The following LRFN5 variants were observed in gnomAD, a reference collection of about 807,000 sequenced individuals.
The protein encoded by LRFN5 is leucine-rich repeat and fibronectin type-III domain-containing protein 5.
In LRFN5, 24 loss-of-function variants were observed where a neutral mutation model predicts 45.6. The observed-to-expected ratio is 0.53, with a 90% CI of 0.38 to 0.74. LRFN5 has a LOEUF of 0.74. Ranked by LOEUF, LRFN5 falls within the 30% of genes least tolerant of loss-of-function variation. The probability of loss-of-function intolerance (pLI) is 0.00; values close to 1 mark genes in which losing one functional copy is unlikely to be tolerated. For synonymous variants in LRFN5, 340 were observed against 313.8 expected, an observed-to-expected ratio of 1.08 and a Z score of -0.88; for missense variants, 776 against 861.5, an observed-to-expected ratio of 0.90 and a Z score of 1.24.
intron 1 of LRFN5, chr14:41,700,086 T>C (rs1882775736): frequency 6.6e-6 from 1 of 152,062 alleles, no homozygotes. Flanking sequence ...CATGAATTTG[T>C]GGCGGGCAAG....
intron 2 of LRFN5, among the ~76,000 whole-genome samples, chr14:41,868,215 AC>A (rs1566493501): frequency 1.3e-5 from 2 of 152,042 alleles, no homozygotes; most frequent in Non-Finnish European, 2.9e-5. Flanking sequence ...ACTTTTCTTT[AC>A]TTTTTTTGTA....
chr14:41,901,764 A>T (rs1165022068), intron 5 of LRFN5, among the ~76,000 whole-genome samples: 1 of 152,080 alleles, frequency 6.6e-6, no homozygotes, highest in Non-Finnish European at 1.5e-5. Flanking sequence ...AATTTTATAC[A>T]CATGATGCAA....
intron 1 of LRFN5, among the ~76,000 whole-genome samples, chr14:41,760,417 G>A (rs895963440): frequency 7.9e-5 from 12 of 152,026 alleles, no homozygotes; most frequent in African/African-American, 2.2e-4. Context: ...AAAGAATAAT[G>A]TACTCATGTA....
intron 1 of LRFN5, among the ~76,000 whole-genome samples, chr14:41,704,426 C>CTGTGTGTG (rs1566628792): frequency 3.5e-5 from 2 of 57,146 alleles, no homozygotes; most frequent in African/African-American, 3.7e-4. Context: ...CTCTCTCTCT[C>CTGTGTGTG]TCTCTCTCTC....
chr14:41,806,553 A>G (rs1207087395), intron 2 of LRFN5, among the ~76,000 whole-genome samples: 3 of 152,196 alleles, frequency 2.0e-5, no homozygotes, highest in Non-Finnish European at 2.9e-5. Context: ...AATACTAAGT[A>G]TTCTGAGTAC....
intron 2 of LRFN5, among the ~76,000 whole-genome samples, chr14:41,792,208 G>A (rs1364034955): frequency 1.3e-5 from 2 of 151,964 alleles, no homozygotes; most frequent in East Asian, 3.9e-4. Flanking sequence ...CAGGGAGTAG[G>A]TACAAAGATC....
intron 1 of LRFN5, among the ~76,000 whole-genome samples, chr14:41,720,221 T>A (rs960539406): frequency 1.3e-5 from 2 of 152,092 alleles, no homozygotes; most frequent in African/African-American, 4.8e-5. Flanking sequence ...TGTAATTTAC[T>A]TAGGATAATG....
At chr14:41,734,940 C>G (rs981404151) in intron 1 of LRFN5, among the ~76,000 whole-genome samples, 1 of 151,884 alleles carries the variant, frequency 6.6e-6, no homozygotes, top group Admixed American at 6.6e-5. Context: ...CCCTGACAAC[C>G]AAAAAAGTGT....
At chr14:41,809,544 A>G (rs1352116011) in intron 2 of LRFN5, among the ~76,000 whole-genome samples, 1 of 151,966 alleles carries the variant, frequency 6.6e-6, no homozygotes, top group Non-Finnish European at 1.5e-5. Context: ...TAATTAAAAT[A>G]TATAAGTCAA....
chr14:41,648,783 G>A (rs1879944738), intron 1 of LRFN5, among the ~76,000 whole-genome samples: 1 of 151,418 alleles, frequency 6.6e-6, no homozygotes. Context: ...TTTTTTTTTG[G>A]AACATAATGA....
chr14:41,691,515 G>A (rs968537804), intron 1 of LRFN5, among the ~76,000 whole-genome samples: 1 of 151,910 alleles, frequency 6.6e-6, no homozygotes, highest in Admixed American at 6.6e-5. Flanking sequence ...CTTCCCATAT[G>A]TATTTGAAAA....
chr14:41,692,168 A>G (rs897378969), intron 1 of LRFN5, among the ~76,000 whole-genome samples: 5 of 152,140 alleles, frequency 3.3e-5, no homozygotes, highest in East Asian at 1.9e-4. Flanking sequence ...TTTTCAAAGT[A>G]CTTGTGCCAC....
At chr14:41,868,142 G>A (rs1646618973) in intron 2 of LRFN5, among the ~76,000 whole-genome samples, 2 of 151,944 alleles carry the variant, frequency 1.3e-5, no homozygotes, top group African/African-American at 4.8e-5. Flanking sequence ...CAAACTAGTT[G>A]GGATGCAATA....
At chr14:41,853,875 C>T (rs1339491166) in intron 2 of LRFN5, among the ~76,000 whole-genome samples, 1 of 152,064 alleles carries the variant, frequency 6.6e-6, no homozygotes, top group African/African-American at 2.4e-5. Flanking sequence ...GCAGTAACAA[C>T]AGCAGTCATA....
At chr14:41,835,571 C>T (rs1888632340) in intron 2 of LRFN5, among the ~76,000 whole-genome samples, 1 of 151,940 alleles carries the variant, frequency 6.6e-6, no homozygotes, top group African/African-American at 2.4e-5. Context: ...ACAAAAAGTA[C>T]AAAACTTAGT....
chr14:41,886,552 A>G, intron 2 of LRFN5, 54 bp from the exon 3 acceptor site: 1 of 1,138,282 alleles, frequency 8.8e-7, no homozygotes, highest in Non-Finnish European at 1.2e-6. Flanking sequence ...TAGGAATATG[A>G]ATATGAATTA....
intron 2 of LRFN5, among the ~76,000 whole-genome samples, chr14:41,857,517 A>C (rs1275456852): frequency 6.6e-6 from 1 of 152,204 alleles, no homozygotes; most frequent in South Asian, 2.1e-4. Flanking sequence ...GGTTATTTAC[A>C]GTTGGTGATA....
chr14:41,861,039 G>C (rs1049481217), intron 2 of LRFN5, among the ~76,000 whole-genome samples: 13 of 152,142 alleles, frequency 8.5e-5, no homozygotes, highest in Non-Finnish European at 1.5e-4. Flanking sequence ...GAGTTTATTA[G>C]TCTCTATCTG....
At chr14:41,779,766 A>T (rs925931771) in intron 2 of LRFN5, among the ~76,000 whole-genome samples, 1 of 151,910 alleles carries the variant, frequency 6.6e-6, no homozygotes, top group Non-Finnish European at 1.5e-5. Flanking sequence ...AGAGTTATTC[A>T]TAATATTACT....
Sources: allele counts gnomAD v4.1 joint callset (sites outside exome capture counted in the v4.1 genomes callset), GRCh38; gene constraint gnomAD v4.1.1; transcripts MANE v1.5; gene names NCBI Gene and HGNC (gene_info 2026-07-23, HGNC 2026-07-21).